The following AMZ1 variants were observed in gnomAD, a reference collection of about 807,000 sequenced individuals.
AMZ1 encodes the protein archaemetzincin-1.
Under a neutral mutation model 29.9 loss-of-function variants are expected in AMZ1, and 39 were observed. The ratio of observed to expected loss-of-function variants is 1.30; its 90% CI spans 1.01 to 1.70. The LOEUF (loss-of-function observed/expected upper bound fraction) is 1.70, where lower values mean the gene tolerates loss of function less well. Among genes scored for constraint, AMZ1 ranks in the 40% most tolerant of loss-of-function variants. The probability of loss-of-function intolerance (pLI) is 0.00; values close to 1 mark genes in which losing one functional copy is unlikely to be tolerated. For synonymous variants in AMZ1, 458 were observed against 304.0 expected, an observed-to-expected ratio of 1.51 and a Z score of -5.27; for missense variants, 1,041 against 680.6, an observed-to-expected ratio of 1.53 and a Z score of -5.89.
At chr7:2,742,156 G>T (rs1212583108) in intron 4 of AMZ1, among the ~76,000 whole-genome samples, 1 of 151,842 alleles carries the variant, frequency 6.6e-6, no homozygotes, top group Non-Finnish European at 1.5e-5. Context: ...CGAGTAGCTG[G>T]GATTACAGAG....
downstream of AMZ1, among the ~76,000 whole-genome samples, chr7:2,722,238 C>G (rs1400824120): frequency 6.6e-6 from 1 of 151,734 alleles, no homozygotes; most frequent in East Asian, 1.9e-4. Context: ...TCGATGTGAG[C>G]TGGTTCAAAT....
In AMZ1 at chr7:2,738,953, C is replaced by T. The variant is rs187928182; in HGVS notation, n.551-25759C>T. On this transcript the variant is annotated intron_variant and non_coding_transcript_variant, in intron 4 of 4. Coordinates refer to the AMZ1 transcript ENST00000489665. ...CTCGTGGCTGTGCCTGTGGACACCT[C>T]GTCTCCAAGCCTGGCACACAGCCAC... Among the ~76,000 whole-genome samples the T allele has an allele frequency of 1.2e-3, 179 of 152,198 alleles. No homozygotes were observed. The East Asian group carries it at 0.026, about 22-fold the overall frequency.
chr7:2,712,889 G>A lies in AMZ1; in HGVS notation c.*11G>A. ...GGGGAAGAGAGTTAGTACAGCAGGGGCTGCCCTACGTCTCCTTCCCTAAGG... is the reference window on the plus strand; with the variant it reads ...GGGGAAGAGAGTTAGTACAGCAGGGACTGCCCTACGTCTCCTTCCCTAAGG... On this transcript the variant is annotated 3_prime_UTR_variant, in exon 7 of 7. Transcript: ENST00000683327. 6.0e-6 allele frequency: 9 copies of A among 1,511,334 alleles called. No homozygotes were observed. Among genetic ancestry groups the A allele is most frequent in the Non-Finnish European group, 8.0e-6 (9 of 1,129,896 alleles). 93.6% of individuals were successfully genotyped at this position (1,511,334 alleles called of 1,614,324 possible). A position where few individuals can be genotyped will look rare whatever the true frequency, so the allele number is the denominator to read the frequency against.
Position 2,709,221 on chromosome 7 carries a change from C to G in AMZ1, c.748C>G (p.Leu250Val), listed in dbSNP as rs768381532. 8.0e-6 allele frequency: 12 copies of G among 1,508,568 alleles called. No individual in the cohort carries two copies. 93.4% of individuals were successfully genotyped at this position (1,508,568 alleles called of 1,614,324 possible). A position where few individuals can be genotyped will look rare whatever the true frequency, so the allele number is the denominator to read the frequency against. The change falls in exon 5 of 7, where the codon CTG (leucine) becomes GTG (valine). Residue 250 changes from leucine (L) to valine (V), a missense_variant. Physicochemically the swap from Leu to Val is conservative, Grantham distance 32. Transcript: ENST00000683327. ...GGGCTGGGCCCTGTGCTTCAGTGCCCTGGGGATGGTTCAGTGCTGCAAGGT... is the reference window on the plus strand; with the variant it reads ...GGGCTGGGCCCTGTGCTTCAGTGCCGTGGGGATGGTTCAGTGCTGCAAGGT... ...DRGWALCFSALGMVQCCKVTC... is the reference protein window; with the variant it reads ...DRGWALCFSAVGMVQCCKVTC...
chr7:2,744,060 G>C (rs994161735), intron 4 of AMZ1, among the ~76,000 whole-genome samples: 3 of 152,220 alleles, frequency 2.0e-5, no homozygotes, highest in African/African-American at 7.2e-5. Context: ...GCTCAAGGAG[G>C]CCTGCCTGCC....
At chr7:2,687,041 C>A (rs555236978), upstream of AMZ1, among the ~76,000 whole-genome samples, 117 of 146,772 alleles carry the variant, frequency 8.0e-4, no homozygotes, top group Non-Finnish European at 1.4e-3. Flanking sequence ...TAAAAAAATT[C>A]TTTGAGGCTG....
intron 1 of AMZ1, chr7:2,765,125 A>AG (rs1791748754): frequency 6.6e-6 from 1 of 152,128 alleles, no homozygotes; most frequent in African/African-American, 2.4e-5. Context: ...TTAAAATCTA[A>AG]GGGAAAAAAA....
rs773306538 is a variant in AMZ1, at chr7:2,709,632, C to A, written c.772-8C>A. The A allele has an allele frequency of 1.9e-6, 3 of 1,604,778 alleles. No individual in the cohort carries two copies. The South Asian group carries it at 3.3e-5, about 18-fold the overall frequency. The stretch of plus-strand genomic sequence containing the variant: ...GTGAGGCAAGGTGCTTGGTGGCCTT[C>A]CCCCCAGGTCACGTGCCACGAGCTC... On this transcript the variant is annotated splice_polypyrimidine_tract_variant and splice_region_variant and intron_variant, in intron 5 of 6. Coordinates refer to ENST00000683327, the MANE Select transcript of AMZ1 (RefSeq NM_001384743.1).
upstream of AMZ1, chr7:2,763,191 A>ACACACAC (rs1791652924): frequency 2.2e-5 from 5 of 222,640 alleles, no homozygotes; most frequent in East Asian, 1.5e-4. Flanking sequence ...AAGACACCCC[A>ACACACAC]ACACACACAC....
intron 4 of AMZ1, among the ~76,000 whole-genome samples, chr7:2,739,710 C>T (rs771762892): frequency 9.9e-5 from 15 of 152,062 alleles, no homozygotes; most frequent in South Asian, 2.1e-4. Context: ...AGTCTCGCCC[C>T]GTTGCTCAGG....
intron 6 of AMZ1, among the ~76,000 whole-genome samples, chr7:2,710,371 G>C (rs1055994531): frequency 2.6e-5 from 4 of 152,244 alleles, no homozygotes; most frequent in African/African-American, 9.6e-5. Context: ...TGAGTGCAAA[G>C]GCAGGTGGTG....
At chr7:2,763,476 C>T (rs993498656), upstream of AMZ1, 3 of 152,338 alleles carry the variant, frequency 2.0e-5, no homozygotes, top group Non-Finnish European at 1.5e-5. Flanking sequence ...CGAGCTCCCT[C>T]AACCCCGGCA....
chr7:2,726,044 G>C (rs981541504), intron 4 of AMZ1, among the ~76,000 whole-genome samples: 1 of 152,228 alleles, frequency 6.6e-6, no homozygotes, highest in Admixed American at 6.5e-5. Context: ...AATTAAGCAA[G>C]TCTTAAAGTG....
At chr7:2,682,010 TG>T (rs1476037624) in intron 1 of AMZ1, among the ~76,000 whole-genome samples, 1 of 152,176 alleles carries the variant, frequency 6.6e-6, no homozygotes, top group Non-Finnish European at 1.5e-5. Context: ...GTTTATGTGC[TG>T]GGGCTGTCAC....
Position 2,712,651 on chromosome 7 carries a change from G to T in AMZ1, c.1270G>T (p.Glu424Ter). ...CCAGGCCCTGCAGCGGGAAGTGGCA[G>T]AGGAGGACCTGGTGCAGGTGGACAG... ...CIQALQREVAEEDLVQVDRAV... is the reference protein window; with the variant it reads ...CIQALQREVA The change falls in exon 7 of 7, where the codon GAG (glutamate) becomes TAG (stop). Residue 424 changes from glutamate to a stop codon, truncating the protein, a stop_gained. Transcript: ENST00000683327. LOFTEE classifies it low-confidence loss of function (END_TRUNC). 1 of 1,613,132 alleles carries T rather than the reference G, an allele frequency of 6.2e-7. No homozygotes were observed. Among genetic ancestry groups the T allele is most frequent in the Non-Finnish European group, 8.5e-7 (1 of 1,179,916 alleles).
At chr7:2,707,553 C>G (rs981303814) in intron 3 of AMZ1, among the ~76,000 whole-genome samples, 1 of 152,022 alleles carries the variant, frequency 6.6e-6, no homozygotes, top group African/African-American at 2.4e-5. Context: ...ACTCATGCTC[C>G]GGGGAACCAT....
chr7:2,738,007 C>G (rs1329706483), intron 4 of AMZ1, among the ~76,000 whole-genome samples: 1 of 152,176 alleles, frequency 6.6e-6, no homozygotes, highest in Non-Finnish European at 1.5e-5. Context: ...GATACCACAG[C>G]TGTGAAAGTA....
At chr7:2,694,637 T>C (rs1419055041) in intron 1 of AMZ1, among the ~76,000 whole-genome samples, 1 of 150,934 alleles carries the variant, frequency 6.6e-6, no homozygotes, top group African/African-American at 2.4e-5. Flanking sequence ...TAATATATTA[T>C]CGTATATATT....
chr7:2,747,727 A>C (rs1583229840), intron 4 of AMZ1, among the ~76,000 whole-genome samples: 1 of 152,356 alleles, frequency 6.6e-6, no homozygotes, highest in African/African-American at 2.4e-5. Flanking sequence ...GAGGAAGTCA[A>C]ATTGTCCCTG....
Sources: gnomAD v4.1 joint callset for allele counts (sites outside exome capture counted in the v4.1 genomes callset) on GRCh38, gnomAD v4.1.1 for gene constraint, MANE v1.5 for transcripts, NCBI Gene and HGNC (gene_info 2026-07-23, HGNC 2026-07-21) for gene names.